The following CADM1 variants were observed in gnomAD, a reference collection of about 807,000 sequenced individuals.
CADM1 encodes the protein cell adhesion molecule 1, also known as TSLC-1.
Under a neutral mutation model 53.1 loss-of-function variants are expected in CADM1, and 15 were observed. The ratio of observed to expected loss-of-function variants is 0.28; its 90% CI spans 0.19 to 0.44. The LOEUF (loss-of-function observed/expected upper bound fraction) is 0.44. Among genes scored for constraint, CADM1 ranks in the 20% least tolerant of loss-of-function variants. The pLI is 1.00. For missense variants in CADM1, 434 were observed against 611.3 expected (o/e 0.71, Z 3.06); for synonymous variants, 281 against 243.0 (o/e 1.16, Z -1.45).
At chr11:115,353,940 G>T (rs563353894) in intron 1 of CADM1, among the ~76,000 whole-genome samples, 9 of 152,242 alleles carry the variant, frequency 5.9e-5, no homozygotes, top group Admixed American at 6.5e-5. Context: ...AAAAAACTAG[G>T]CTACGGCCAG....
At chr11:115,349,918 G>A (rs1945681852) in intron 1 of CADM1, among the ~76,000 whole-genome samples, 1 of 152,018 alleles carries the variant, frequency 6.6e-6, no homozygotes, top group Non-Finnish European at 1.5e-5. Flanking sequence ...ACACCACATG[G>A]GCCAATTAGT....
rs1253464962 is a variant in CADM1, at chr11:115,178,709, G to A, written c.1232C>T (p.Ala411Val). 3.7e-6 allele frequency: 6 copies of A among 1,613,434 alleles called. No homozygotes were observed. The highest frequency in any genetic ancestry group is 5.1e-6 in the Non-Finnish European group (6 of 1,179,906). Reference protein sequence around the residue: ...VDHAVIGGVVAVVVFAMLCLL... With the variant: ...VDHAVIGGVVVVVVFAMLCLL... ...GCACAGCATGGCGAACACCACCACC[G>A]CCACGACGCCACCGATCACGGCATG... Residue 411 changes from alanine (A) to valine (V), a missense_variant, in exon 11 of 12, where the codon GCG (alanine) becomes GTG (valine). By Grantham distance (64) the Ala-to-Val change is moderately conservative (BLOSUM62 0). Coordinates refer to ENST00000331581, the MANE Select transcript of CADM1 (RefSeq NM_001301043.2).
intron 1 of CADM1, among the ~76,000 whole-genome samples, chr11:115,482,117 A>ATC: frequency 6.6e-6 from 1 of 152,122 alleles, no homozygotes; most frequent in East Asian, 1.9e-4. Flanking sequence ...TCCGCCCATT[A>ATC]TCTCTCTACC....
chr11:115,459,600 T>C (rs1948752253), intron 1 of CADM1, among the ~76,000 whole-genome samples: 1 of 152,140 alleles, frequency 6.6e-6, no homozygotes, highest in Admixed American at 6.5e-5. Context: ...AGGCTCTTAC[T>C]TCCCTGCTGG....
intron 1 of CADM1, among the ~76,000 whole-genome samples, chr11:115,489,987 G>C (rs1246762911): frequency 6.6e-6 from 1 of 152,206 alleles, no homozygotes; most frequent in Non-Finnish European, 1.5e-5. Context: ...AAACAATGGT[G>C]TGGAGAGCCG....
At chr11:115,186,495 A>C (rs1939558968) in intron 10 of CADM1, among the ~76,000 whole-genome samples, 1 of 152,172 alleles carries the variant, frequency 6.6e-6, no homozygotes, top group Admixed American at 6.5e-5. Flanking sequence ...GCACACAGGA[A>C]GCTGTGGATT....
chr11:115,443,197 G>C (rs1948364900), intron 1 of CADM1, among the ~76,000 whole-genome samples: 1 of 124,204 alleles, frequency 8.1e-6, no homozygotes, highest in African/African-American at 3.0e-5. Context: ...TGAACACCAA[G>C]GGAGAAAAAA....
At chr11:115,342,063 T>G (rs954700214) in intron 1 of CADM1, among the ~76,000 whole-genome samples, 6 of 152,148 alleles carry the variant, frequency 3.9e-5, no homozygotes, top group Non-Finnish European at 4.4e-5. Context: ...ATATAAGATC[T>G]CCAGTTATAT....
At chr11:115,405,351 G>A (rs777275381) in intron 1 of CADM1, among the ~76,000 whole-genome samples, 62 of 152,132 alleles carry the variant, frequency 4.1e-4, no homozygotes, top group Non-Finnish European at 7.3e-4. Flanking sequence ...AAGAAGATAC[G>A]AAGCTATGAG....
intron 1 of CADM1, among the ~76,000 whole-genome samples, chr11:115,253,677 A>ATTAC (rs1435651056): frequency 3.3e-5 from 5 of 152,160 alleles, no homozygotes; most frequent in Admixed American, 3.3e-4. Context: ...AAACCCACCT[A>ATTAC]TTACTAATCT....
At chr11:115,408,831 G>C (rs1380785065) in intron 1 of CADM1, among the ~76,000 whole-genome samples, 2 of 152,150 alleles carry the variant, frequency 1.3e-5, no homozygotes, top group Non-Finnish European at 2.9e-5. Context: ...CAACAGAAAA[G>C]TTACATTTTT....
At chr11:115,198,191 A>C (rs185540383) in intron 9 of CADM1, among the ~76,000 whole-genome samples, 12 of 152,216 alleles carry the variant, frequency 7.9e-5, no homozygotes, top group African/African-American at 2.7e-4. Context: ...AGTGGGGAGA[A>C]GGTCTCATCT....
intron 1 of CADM1, among the ~76,000 whole-genome samples, chr11:115,274,112 T>G (rs778834522): frequency 1.1e-4 from 16 of 152,278 alleles, no homozygotes; most frequent in Non-Finnish European, 1.8e-4. Flanking sequence ...AAGGAGCATG[T>G]GAATTCATCT....
At chr11:115,217,780 C>G (rs1223215575) in intron 6 of CADM1, 112 bp downstream of exon 6, 2 of 764,150 alleles carry the variant, frequency 2.6e-6, no homozygotes, top group Non-Finnish European at 4.8e-6. Flanking sequence ...AAAAACCATC[C>G]ATCCTTTGCA....
intron 1 of CADM1, among the ~76,000 whole-genome samples, chr11:115,303,902 A>C (rs1454878745): frequency 6.6e-6 from 1 of 152,058 alleles, no homozygotes; most frequent in African/African-American, 2.4e-5. Context: ...AGAAGGCACA[A>C]AGGCCTCCTT....
intron 1 of CADM1, among the ~76,000 whole-genome samples, chr11:115,368,243 C>G (rs1217175533): frequency 6.7e-6 from 1 of 148,196 alleles, no homozygotes; most frequent in Non-Finnish European, 1.5e-5. Context: ...TGCTAAATAG[C>G]AGGACAGTTT....
intron 8 of CADM1, among the ~76,000 whole-genome samples, chr11:115,206,295 C>G (rs1430256190): frequency 6.6e-6 from 1 of 152,182 alleles, no homozygotes; most frequent in Non-Finnish European, 1.5e-5. Flanking sequence ...ACAAAAATTT[C>G]TCCCTAGATA....
intron 1 of CADM1, among the ~76,000 whole-genome samples, chr11:115,370,020 C>T (rs1946271248): frequency 1.3e-5 from 2 of 152,202 alleles, no homozygotes; most frequent in Non-Finnish European, 1.5e-5. Flanking sequence ...CAACAGGCTT[C>T]ATAGCCCTGA....
In CADM1 at chr11:115,265,126, C is replaced by CT. The variant is rs374347772; in HGVS notation, c.125-24707dup. ...ACTGCCTCCCACCTACCACATGCCC[C>CT]TCCCCTTCTTGAATATACACACTTA... On this transcript the variant is annotated intron_variant, in intron 1 of 11. Transcript: ENST00000331581. Among the ~76,000 whole-genome samples the CT allele has an allele frequency of 1.6e-3, 237 of 152,310 alleles. 2 individuals are homozygous for CT. The highest frequency in any genetic ancestry group is 0.014 in the Middle Eastern group (4 of 294).
Sources: allele counts gnomAD v4.1 joint callset (sites outside exome capture counted in the v4.1 genomes callset), GRCh38; gene constraint gnomAD v4.1.1; transcripts MANE v1.5; gene names NCBI Gene and HGNC (gene_info 2026-07-23, HGNC 2026-07-21).